Variants in PARD3B observed in about 807,000 individuals in gnomAD.
The protein encoded by PARD3B is par-3 family cell polarity regulator beta.
In PARD3B, 103 loss-of-function variants were observed where a neutral mutation model predicts 130.2. The ratio of observed to expected loss-of-function variants is 0.79; its 90% confidence interval spans 0.67 to 0.93. PARD3B has a LOEUF of 0.93. PARD3B is among the 40% of genes least tolerant of loss of function. The probability of loss-of-function intolerance (pLI) is 0.00; values close to 1 mark genes in which losing one functional copy is unlikely to be tolerated. For synonymous variants in PARD3B, 583 were observed against 553.2 expected (o/e 1.05, Z -0.76); for missense variants, 1,609 against 1,499.2 (o/e 1.07, Z -1.21).
intron 1 of PARD3B, among the ~76,000 whole-genome samples, chr2:204,583,430 T>A (rs1184445484): frequency 3.0e-4 from 32 of 107,946 alleles, no homozygotes; most frequent in African/African-American, 1.1e-3. Flanking sequence ...AACAATGAGA[T>A]CACATGGTCA....
intron 18 of PARD3B, among the ~76,000 whole-genome samples, chr2:205,380,402 A>ATATATAATATATAAAGAATATATAT (rs2045304434): frequency 2.4e-5 from 1 of 42,400 alleles, no homozygotes; most frequent in Non-Finnish European, 3.9e-5. Context: ...AATATATATT[A>ATATATAATATATAAAGAATATATAT]TATATAATAT....
At position 205,193,235 on chromosome 2, in the gene PARD3B, A is replaced by T. The variant is rs763300463; in HGVS notation, c.2055A>T (p.Pro685=). The part of the protein sequence containing the change: ...SSGVDSAVYF[P]DQHINFRSVT... Reference sequence around the variant, plus strand: ...GGGTGGATTCAGCAGTATATTTTCCAGATCAGCACATCAACTTCAGATCTG... The same window carrying T: ...GGGTGGATTCAGCAGTATATTTTCCTGATCAGCACATCAACTTCAGATCTG... The change falls in exon 15 of 23, where the codon CCA becomes CCT. Residue 685 remains proline (P), a synonymous_variant. Transcript: ENST00000406610. 1 of 1,612,996 alleles carries T rather than the reference A, an allele frequency of 6.2e-7. No individual in the cohort carries two copies. The highest frequency in any genetic ancestry group is 2.2e-5 in the East Asian group (1 of 44,862).
At chr2:205,373,021 C>T (rs2044884808) in intron 18 of PARD3B, among the ~76,000 whole-genome samples, 1 of 152,158 alleles carries the variant, frequency 6.6e-6, no homozygotes, top group African/African-American at 2.4e-5. Flanking sequence ...ATTATTTCCT[C>T]TGCTTCAAAA....
intron 2 of PARD3B, among the ~76,000 whole-genome samples, chr2:204,858,499 TAAAA>T (rs554680233): frequency 1.7e-5 from 2 of 117,128 alleles, no homozygotes; most frequent in Admixed American, 9.1e-5. Context: ...ATGTGGAATC[TAAAA>T]AAAAAAAAAA....
intron 16 of PARD3B, among the ~76,000 whole-genome samples, chr2:205,285,170 T>C (rs902767662): frequency 1.3e-5 from 2 of 152,142 alleles, no homozygotes; most frequent in Admixed American, 6.5e-5. Flanking sequence ...TTTGGGAGGC[T>C]GACGTTTGTA....
At chr2:205,224,866 G>A (rs553354134) in intron 15 of PARD3B, among the ~76,000 whole-genome samples, 1 of 151,956 alleles carries the variant, frequency 6.6e-6, no homozygotes, top group East Asian at 1.9e-4. Flanking sequence ...ACCTGGAACT[G>A]GCCATTCAAG....
chr2:205,066,482 A>G (rs1175315516), intron 4 of PARD3B, among the ~76,000 whole-genome samples: 1 of 152,242 alleles, frequency 6.6e-6, no homozygotes, highest in African/African-American at 2.4e-5. Context: ...GTTCATTAGC[A>G]GCAAGTGTAT....
rs185241175 is a variant in PARD3B at position 204,658,007 on chromosome 2, A to G, written c.121-28174A>G. On this transcript the variant is annotated intron_variant, in intron 1 of 22. Coordinates refer to ENST00000406610, the MANE Select transcript of PARD3B (RefSeq NM_001302769.2). ...CAAAGCCCTGTGCTAGAAGCTGTAA[A>G]TGAGATGATTGTGACTTAGACATGA... Among the ~76,000 whole-genome samples, 13 of 152,294 alleles carry G rather than the reference A, an allele frequency of 8.5e-5. No homozygotes were observed. The East Asian group carries it at 1.9e-3, about 23-fold the overall frequency.
chr2:205,401,207 A>G, intron 19 of PARD3B, 84 bp downstream of exon 19: 2 of 1,142,446 alleles, frequency 1.8e-6, no homozygotes, highest in South Asian at 2.7e-5. Context: ...AACTGGAGAA[A>G]TTTCATTTTA....
chr2:204,753,901 A>G (rs1418501035), intron 2 of PARD3B, among the ~76,000 whole-genome samples: 1 of 152,138 alleles, frequency 6.6e-6, no homozygotes, highest in East Asian at 1.9e-4. Context: ...AAAAATTAAA[A>G]TAAAATAATA....
intron 1 of PARD3B, among the ~76,000 whole-genome samples, chr2:204,572,971 A>G (rs1304352998): frequency 6.6e-6 from 1 of 152,210 alleles, no homozygotes; most frequent in Non-Finnish European, 1.5e-5. Flanking sequence ...CTCCTGGAAG[A>G]GATGAAACTT....
In PARD3B at chr2:204,890,559, T is replaced by G. The variant is rs2046407739; in HGVS notation, c.223-74593T>G. 6.6e-6 allele frequency among the ~76,000 whole-genome samples: 1 copy of G among 152,206 alleles called. No individual in the cohort carries two copies. Among genetic ancestry groups the G allele is most frequent in the Non-Finnish European group, 1.5e-5 (1 of 68,044 alleles). ...TTTTCCTTGTTTTGGGTACCATCAT[T>G]GATTTCCACCTCCCCCCACCACATC... On this transcript the variant is annotated intron_variant, in intron 2 of 22. Transcript: ENST00000406610. This position sits in a 1 kb window ranked among gnomAD's most constrained non-coding sequence, Gnocchi z 4.9.
At chr2:205,227,352 G>C (rs1448447362) in intron 15 of PARD3B, among the ~76,000 whole-genome samples, 1 of 152,058 alleles carries the variant, frequency 6.6e-6, no homozygotes, top group Non-Finnish European at 1.5e-5. Context: ...TCATTTATCT[G>C]GGTGTTCCAG....
At chr2:205,338,388 T>C (rs2043396850) in intron 18 of PARD3B, among the ~76,000 whole-genome samples, 2 of 152,176 alleles carry the variant, frequency 1.3e-5, no homozygotes, top group Admixed American at 1.3e-4. Context: ...TACTTTCATT[T>C]CCAGCTAAAT....
chr2:204,599,017 C>T (rs1474822046), intron 1 of PARD3B, among the ~76,000 whole-genome samples: 4 of 151,450 alleles, frequency 2.6e-5, no homozygotes, highest in Admixed American at 6.6e-5. Flanking sequence ...ATAGATTTTG[C>T]CACTTGTATT....
intron 2 of PARD3B, among the ~76,000 whole-genome samples, chr2:204,743,659 C>A (rs10180248): frequency 0.35 from 52,526 of 152,008 alleles, 11,315 homozygotes; most frequent in African/African-American, 0.62. Context: ...CCATAGCTTC[C>A]TGAGTGGCCT....
chr2:205,033,669 T>C (rs1697585163), intron 3 of PARD3B, among the ~76,000 whole-genome samples: 1 of 152,214 alleles, frequency 6.6e-6, no homozygotes, highest in Non-Finnish European at 1.5e-5. Flanking sequence ...TATTATCTTA[T>C]ATATCTTCTG....
intron 18 of PARD3B, among the ~76,000 whole-genome samples, chr2:205,345,540 A>G (rs1009905290): frequency 6.6e-6 from 1 of 151,948 alleles, no homozygotes; most frequent in Non-Finnish European, 1.5e-5. Flanking sequence ...TTGAGGTAGC[A>G]TGTCCTGAAC....
intron 1 of PARD3B, among the ~76,000 whole-genome samples, chr2:204,612,762 C>CCT (rs2033977136): frequency 7.3e-6 from 1 of 137,346 alleles, no homozygotes; most frequent in African/African-American, 2.7e-5. Flanking sequence ...CCCCTCCCTA[C>CCT]TCTTTGGAAG....
Sources: allele counts gnomAD v4.1 joint callset (sites outside exome capture counted in the v4.1 genomes callset), GRCh38; gene constraint gnomAD v4.1.1; non-coding constraint Gnocchi (gnomAD v3.1); transcripts MANE v1.5; gene names NCBI Gene and HGNC (gene_info 2026-07-23, HGNC 2026-07-21).